Variants in BRF1 observed in about 807,000 individuals in gnomAD.
BRF1 encodes BRF1 general transcription factor IIIB subunit.
Under a neutral mutation model 81.7 loss-of-function variants are expected in BRF1, and 59 were observed. The ratio of observed to expected loss-of-function variants is 0.72; its 90% CI spans 0.59 to 0.90. The LOEUF is 0.90. Among genes scored for constraint, BRF1 ranks in the 40% least tolerant of loss-of-function variants. The pLI, the probability that BRF1 is intolerant of heterozygous loss-of-function variation, is 0.00. For synonymous variants in BRF1, 491 were observed against 395.6 expected (o/e 1.24, Z -2.86); for missense variants, 1,050 against 936.3 (o/e 1.12, Z -1.58).
chr14:105,241,259 C>G lies in BRF1; in HGVS notation c.694+6G>C, dbSNP rs746803838. ...GCATCCCCCAGGCAGGCAGGGCCCG[C>G]TGTACCTGCTCCGCAGAGGCCCGAG... On this transcript the variant is annotated splice_donor_region_variant and intron_variant, in intron 6 of 17. Transcript: ENST00000547530. The G allele has an allele frequency of 9.3e-6, 15 of 1,610,524 alleles. No homozygotes were observed. The highest frequency in any genetic ancestry group is 4.0e-5 in the African/African-American group (3 of 74,906).
rs2054621087 is a variant in BRF1, at chr14:105,241,362, C to T, written c.597G>A (p.Lys199=). The change falls in exon 6 of 18, where the codon AAG becomes AAA. Residue 199 remains lysine (K), a synonymous_variant. Coordinates refer to ENST00000547530, the MANE Select transcript of BRF1 (RefSeq NM_001519.4). ...GGGCAGTCATGGACACCTCGTGGTT[C>T]TTCTCCCCGAATTCCAGCAGGTGCG... The part of the protein sequence containing the change: ...RFAHLLEFGE[K]NHEVSMTALR... 6 of 1,612,800 alleles carry T rather than the reference C, an allele frequency of 3.7e-6. No individual in the cohort carries two copies. Among genetic ancestry groups the T allele is most frequent in the South Asian group, 3.3e-5 (3 of 91,092 alleles).
intron 1 of BRF1, among the ~76,000 whole-genome samples, chr14:105,311,813 C>G (rs960520885): frequency 2.0e-5 from 3 of 152,224 alleles, no homozygotes; most frequent in African/African-American, 7.2e-5. Flanking sequence ...GAGGAGGGCC[C>G]TGCTGTACCT....
chr14:105,211,940 G>A (rs1890182439), intron 16 of BRF1, 173 bp downstream of exon 16: 3 of 927,690 alleles, frequency 3.2e-6, no homozygotes, highest in East Asian at 2.7e-5. Context: ...GCAACCGGGA[G>A]CTCCCACCCT....
At chr14:105,289,829 T>C (rs1045075428) in intron 1 of BRF1, among the ~76,000 whole-genome samples, 8 of 151,790 alleles carry the variant, frequency 5.3e-5, no homozygotes, top group African/African-American at 1.9e-4. Context: ...AGAGATGAGG[T>C]TTCACCACGT....
intron 3 of BRF1, among the ~76,000 whole-genome samples, chr14:105,262,514 G>C (rs2056205708): frequency 6.6e-6 from 1 of 152,236 alleles, no homozygotes; most frequent in African/African-American, 2.4e-5. Flanking sequence ...GTGGGCTCCT[G>C]TGTGCAGTAC....
chr14:105,255,881 C>T (rs1480897705), intron 4 of BRF1, among the ~76,000 whole-genome samples: 2 of 152,144 alleles, frequency 1.3e-5, no homozygotes, highest in Non-Finnish European at 2.9e-5. Flanking sequence ...GACCCCAGTA[C>T]TTAGGGAGGC....
At chr14:105,249,028 G>C (rs1251878814) in intron 5 of BRF1, 2 of 1,185,198 alleles carry the variant, frequency 1.7e-6, no homozygotes, top group Non-Finnish European at 2.1e-6. Context: ...CCCACACTCG[G>C]CAACAACCAC....
chr14:105,221,274 C>G (rs1426511871), intron 11 of BRF1, among the ~76,000 whole-genome samples: 1 of 152,192 alleles, frequency 6.6e-6, no homozygotes, highest in South Asian at 2.1e-4. Flanking sequence ...CATTGCCACG[C>G]CCAAGCTCAG....
chr14:105,308,039 C>T (rs1566885446), intron 1 of BRF1, among the ~76,000 whole-genome samples: 1 of 151,822 alleles, frequency 6.6e-6, no homozygotes, highest in Non-Finnish European at 1.5e-5. Context: ...TAAAAATTAG[C>T]TGTGCGTGGT....
At chr14:105,218,092 C>T (rs1431201294) in intron 14 of BRF1, among the ~76,000 whole-genome samples, 1 of 152,182 alleles carries the variant, frequency 6.6e-6, no homozygotes, top group Non-Finnish European at 1.5e-5. Context: ...GGCCCTGCTG[C>T]CCCTGGGTCC....
At chr14:105,248,574 C>A (rs587744685) in intron 5 of BRF1, 15 of 82,614 alleles carry the variant, frequency 1.8e-4, no homozygotes, top group Middle Eastern at 5.3e-3. Flanking sequence ...CGGGCTCGGG[C>A]GGGCGGGCGG....
At chr14:105,226,887 T>A (rs796403352) in intron 7 of BRF1, 127 bp from the exon 8 acceptor site, 1 of 1,423,394 alleles carries the variant, frequency 7.0e-7, no homozygotes. Flanking sequence ...GGTGGGTGGA[T>A]TGCTTGAGTC....
intron 15 of BRF1, 30 bp downstream of exon 15, chr14:105,217,514 C>G: frequency 2.5e-6 from 4 of 1,600,596 alleles, no homozygotes; most frequent in Non-Finnish European, 2.6e-6. Flanking sequence ...GGCTGCTGCC[C>G]TAACCCAGCC....
At chr14:105,241,788 G>A (rs587632570) in intron 5 of BRF1, 5 of 258,646 alleles carry the variant, frequency 1.9e-5, no homozygotes, top group Non-Finnish European at 2.3e-5. Flanking sequence ...CAAGACAGGC[G>A]TGGGCTGGGT....
intron 1 of BRF1, among the ~76,000 whole-genome samples, chr14:105,310,327 A>G (rs952177692): frequency 7.9e-5 from 12 of 151,200 alleles, no homozygotes; most frequent in African/African-American, 1.7e-4. Flanking sequence ...TCAGGAGATC[A>G]AGACCATCCT....
rs937228953 is a variant in BRF1, at chr14:105,269,753, TC to T, written c.439+2967del. 1.3e-5 allele frequency among the ~76,000 whole-genome samples: 2 copies of T among 151,792 alleles called. No homozygotes were observed. The highest frequency in any genetic ancestry group is 2.9e-5 in the Non-Finnish European group (2 of 67,962). ...GAAGGCCCATGTCCCAGGGCATCTG[TC>T]CCCCCCACAGGAGGCCCAGTGAGGC... On this transcript the variant is annotated intron_variant, in intron 3 of 17. Coordinates refer to ENST00000547530, the MANE Select transcript of BRF1 (RefSeq NM_001519.4). This position sits in a 1 kb window ranked among gnomAD's most constrained non-coding sequence, Gnocchi z 5.0.
chr14:105,266,343 T>C (rs1006883610), intron 3 of BRF1, among the ~76,000 whole-genome samples: 3 of 151,680 alleles, frequency 2.0e-5, no homozygotes, highest in African/African-American at 4.8e-5. Flanking sequence ...AGCCAGGGAG[T>C]TGGAGGTTGC....
chr14:105,261,890 C>T (rs2056173949), intron 3 of BRF1, among the ~76,000 whole-genome samples: 1 of 152,220 alleles, frequency 6.6e-6, no homozygotes, highest in African/African-American at 2.4e-5. Flanking sequence ...AGCACTGCAC[C>T]GGCCCACGGC....
At position 105,225,077 on chromosome 14, in the gene BRF1, G is replaced by A. The variant is rs371974064; in HGVS notation, c.1048+992C>T. Among the ~76,000 whole-genome samples, 9 of 152,254 alleles carry A rather than the reference G, an allele frequency of 5.9e-5. No homozygotes were observed. The East Asian group carries it at 9.7e-4, about 16-fold the overall frequency. ...AGGTGCCAGGAGCCTTGGGGGCTCC[G>A]GCTGCCACATTCCCGGGACATGCAC... On this transcript the variant is annotated intron_variant, in intron 10 of 17. Coordinates refer to ENST00000547530, the MANE Select transcript of BRF1 (RefSeq NM_001519.4).
Sources: allele counts gnomAD v4.1 joint callset (sites outside exome capture counted in the v4.1 genomes callset), GRCh38; gene constraint gnomAD v4.1.1; non-coding constraint Gnocchi (gnomAD v3.1); transcripts MANE v1.5; gene names NCBI Gene and HGNC (gene_info 2026-07-23, HGNC 2026-07-21).